IQGAP2: variants seen among roughly 807,000 people sequenced by gnomAD.
IQGAP2 encodes the protein ras GTPase-activating-like protein IQGAP2.
In IQGAP2, 173 loss-of-function variants were observed where a neutral mutation model predicts 201.3. The observed-to-expected ratio is 0.86, with a 90% CI of 0.76 to 0.98. IQGAP2 has a LOEUF of 0.98. IQGAP2 is among the 50% of genes least tolerant of loss of function. IQGAP2 has a pLI of 0.00. For missense variants in IQGAP2, 1,687 were observed against 1,864.8 expected (o/e 0.90, Z 1.76); for synonymous variants, 675 against 673.9 (o/e 1.00, Z -0.03).
intron 12 of IQGAP2, among the ~76,000 whole-genome samples, chr5:76,610,115 T>TATATATATATA: frequency 9.1e-5 from 1 of 10,980 alleles, no homozygotes; most frequent in Non-Finnish European, 1.5e-4. Context: ...TATATATATA[T>TATATATATATA]TTTTTTTTTT....
chr5:76,634,217 G>T (rs1008179049), intron 15 of IQGAP2, among the ~76,000 whole-genome samples: 4 of 151,668 alleles, frequency 2.6e-5, no homozygotes, highest in Non-Finnish European at 5.9e-5. Context: ...AGTGCTGAGT[G>T]GTTGTTTCAG....
intron 5 of IQGAP2, among the ~76,000 whole-genome samples, chr5:76,579,557 T>C (rs1370699349): frequency 6.6e-6 from 1 of 152,202 alleles, no homozygotes; most frequent in East Asian, 1.9e-4. Context: ...ATAATTTACT[T>C]TCTTAAGTCT....
intron 7 of IQGAP2, 27 bp downstream of exon 7, chr5:76,589,755 C>A: frequency 3.0e-6 from 4 of 1,318,572 alleles, no homozygotes; most frequent in Non-Finnish European, 3.2e-6. Context: ...TCCAAACTTG[C>A]CATGGATGTG....
chr5:76,517,551 G>C (rs777427218), intron 2 of IQGAP2, among the ~76,000 whole-genome samples: 4 of 150,786 alleles, frequency 2.7e-5, no homozygotes, highest in Non-Finnish European at 5.9e-5. Flanking sequence ...GCTGCAGTGA[G>C]CTGTGAATGT....
At chr5:76,706,437 T>C (rs951416283) in intron 35 of IQGAP2, among the ~76,000 whole-genome samples, 6 of 152,192 alleles carry the variant, frequency 3.9e-5, no homozygotes, top group Non-Finnish European at 4.4e-5. Flanking sequence ...AATCTCTGCC[T>C]ACTCTGTTCA....
At chr5:76,687,320 A>G (rs1000548667) in intron 30 of IQGAP2, among the ~76,000 whole-genome samples, 2 of 152,234 alleles carry the variant, frequency 1.3e-5, no homozygotes, top group African/African-American at 4.8e-5. Flanking sequence ...CATCCCTGAA[A>G]GTGAAATTTG....
chr5:76,533,627 GC>G (rs1759451511), intron 2 of IQGAP2, among the ~76,000 whole-genome samples: 1 of 151,962 alleles, frequency 6.6e-6, no homozygotes, highest in Non-Finnish European at 1.5e-5. Context: ...TGCAAGCTCT[GC>G]CCCCTGGGTT....
intron 25 of IQGAP2, 177 bp downstream of exon 25, chr5:76,673,766 C>G: frequency 1.4e-6 from 1 of 716,374 alleles, no homozygotes; most frequent in East Asian, 2.6e-5. Flanking sequence ...AGGGGCAATA[C>G]TTCAGTAGCA....
chr5:76,634,701 T>C (rs969785229), intron 15 of IQGAP2, among the ~76,000 whole-genome samples: 2 of 152,212 alleles, frequency 1.3e-5, no homozygotes, highest in African/African-American at 2.4e-5. Context: ...TTTATTCTTA[T>C]CTCTTTCACC....
chr5:76,431,766 T>C (rs552653004), intron 1 of IQGAP2, among the ~76,000 whole-genome samples: 161 of 145,614 alleles, frequency 1.1e-3, no homozygotes, highest in African/African-American at 4.0e-3. Flanking sequence ...GAGATTGCAG[T>C]GAGCCGAGAT....
chr5:76,622,126 C>A (rs898286284), intron 13 of IQGAP2, among the ~76,000 whole-genome samples: 6 of 152,132 alleles, frequency 3.9e-5, no homozygotes, highest in African/African-American at 1.2e-4. Flanking sequence ...TCCCCCACCC[C>A]ATGGAAGAAA....
chr5:76,560,915 A>G (rs1181818424), intron 2 of IQGAP2, among the ~76,000 whole-genome samples: 1 of 152,260 alleles, frequency 6.6e-6, no homozygotes, highest in Non-Finnish European at 1.5e-5. Context: ...ACCTATGCTC[A>G]GGTTTAATTT....
At chr5:76,551,266 G>A (rs1224765803) in intron 2 of IQGAP2, among the ~76,000 whole-genome samples, 2 of 151,512 alleles carry the variant, frequency 1.3e-5, no homozygotes, top group African/African-American at 4.9e-5. Context: ...GGGGCGGCGG[G>A]GCAGAGGCGC....
chr5:76,674,497 C>CTA lies in IQGAP2; in HGVS notation c.3317_3318dup (p.Arg1107IlefsTer4). ...TCCAGATTGTTGGAAACCTCCTGTACTATCGGTACATGAATCCAGCCATTG... is the reference window on the plus strand; with the variant it reads ...TCCAGATTGTTGGAAACCTCCTGTACTATATCGGTACATGAATCCAGCCATTG... On this transcript the variant is annotated frameshift_variant, in exon 27 of 36. Transcript: ENST00000274364. LOFTEE classifies it high-confidence loss of function. The CTA allele has an allele frequency of 6.2e-7, 1 of 1,613,382 alleles. No individual in the cohort carries two copies.
chr5:76,496,761 C>CTTTCTTTCTTTCTTTCT lies in IQGAP2; in HGVS notation c.146+35095_146+35111dup, dbSNP rs1756983731. 5.6e-4 allele frequency among the ~76,000 whole-genome samples: 50 copies of CTTTCTTTCTTTCTTTCT among 89,100 alleles called. 1 individual carries two copies. Among genetic ancestry groups the CTTTCTTTCTTTCTTTCT allele is most frequent in the Non-Finnish European group, 7.8e-4 (37 of 47,262 alleles). The allele number at this position is 89,100 out of a possible 152,430, so 58.5% of individuals were successfully genotyped here. On this transcript the variant is annotated intron_variant, in intron 2 of 35. Transcript: ENST00000274364. ...TCTTTCTTTCTTTCTTTCTTTCTTTCTTTCTTTCTTTCTTTCTTTCTTTCT... is the reference window on the plus strand; with the variant it reads ...TCTTTCTTTCTTTCTTTCTTTCTTTCTTTCTTTCTTTCTTTCTTTTCTTTCTTTCTTTCTTTCTTTCT...
intron 2 of IQGAP2, among the ~76,000 whole-genome samples, chr5:76,535,717 C>G (rs1365177168): frequency 1.3e-5 from 2 of 152,194 alleles, no homozygotes; most frequent in Non-Finnish European, 2.9e-5. Flanking sequence ...GTAGCTACTA[C>G]TGTTATTTTG....
At chr5:76,543,944 G>A (rs1433779537) in intron 2 of IQGAP2, among the ~76,000 whole-genome samples, 1 of 152,108 alleles carries the variant, frequency 6.6e-6, no homozygotes, top group Admixed American at 6.5e-5. Context: ...AAATTGTTAG[G>A]CAGGTGAAAT....
intron 5 of IQGAP2, among the ~76,000 whole-genome samples, chr5:76,586,564 A>G (rs1746263791): frequency 6.6e-6 from 1 of 152,230 alleles, no homozygotes; most frequent in African/African-American, 2.4e-5. Context: ...TCTTGTTGCT[A>G]TCAGTTGCTA....
chr5:76,405,546 C>T (rs901559515), intron 1 of IQGAP2, among the ~76,000 whole-genome samples: 6 of 152,196 alleles, frequency 3.9e-5, no homozygotes, highest in Non-Finnish European at 7.3e-5. Flanking sequence ...ACAGTTATCT[C>T]ATTAAAATGA....
Sources: allele counts gnomAD v4.1 joint callset (sites outside exome capture counted in the v4.1 genomes callset), GRCh38; gene constraint gnomAD v4.1.1; transcripts MANE v1.5; gene names NCBI Gene and HGNC (gene_info 2026-07-23, HGNC 2026-07-21).